The following GPR78 variants were observed in gnomAD, a reference collection of about 807,000 sequenced individuals.
GPR78 encodes the protein G protein-coupled receptor 78.
In GPR78, 29 loss-of-function variants were observed where a neutral mutation model predicts 17.9. That is an observed-to-expected ratio of 1.62 (90% CI 1.20 to 2.21). The LOEUF is 2.21. GPR78 is among the 30% of genes most tolerant of loss of function. GPR78 has a pLI of 0.00. For missense variants in GPR78, 649 were observed against 530.5 expected (o/e 1.22, Z -2.19); for synonymous variants, 349 against 256.9 (o/e 1.36, Z -3.43).
chr4:8,582,359 C>G (rs1159890343), intron 1 of GPR78, among the ~76,000 whole-genome samples, 172 bp from the exon 2 acceptor site: 9 of 152,146 alleles, frequency 5.9e-5, no homozygotes, highest in Non-Finnish European at 1.2e-4. Flanking sequence ...TACAAAAAAG[C>G]AAGCCTACCC....
chr4:8,581,723 C>T, intron 1 of GPR78, 73 bp downstream of exon 1: 1 of 1,166,632 alleles, frequency 8.6e-7, no homozygotes, highest in Non-Finnish European at 1.1e-6. Context: ...GCTTGAGGAG[C>T]CTGTGGGCAT....
At chr4:8,581,735 A>G (rs983405797) in intron 1 of GPR78, 85 bp downstream of exon 1, 7 of 1,001,274 alleles carry the variant, frequency 7.0e-6, no homozygotes, top group Non-Finnish European at 9.7e-6. Context: ...TGTGGGCATC[A>G]CCACCGTTAC....
rs34339112 is a variant in GPR78 at position 8,589,910 on chromosome 4, C to CTTTTTT, written c.*2562_*2567dup. Among the ~76,000 whole-genome samples, 1 of 130,856 alleles carries CTTTTTT rather than the reference C, an allele frequency of 7.6e-6. No individual in the cohort carries two copies. The allele number at this position is 130,856 out of a possible 152,430, so 85.8% of individuals were successfully genotyped here. On this transcript the variant is annotated 3_prime_UTR_variant, in exon 3 of 3. Transcript: ENST00000382487. ...CTATCCCTTGCCTTAGGCTTGTGGCCTTTTTTTTTTTTTTTTTTTTAATTT... is the reference window on the plus strand; with the variant it reads ...CTATCCCTTGCCTTAGGCTTGTGGCCTTTTTTTTTTTTTTTTTTTTTTTTTTAATTT...
At position 8,581,018 on chromosome 4, in the gene GPR78, G is replaced by C; in HGVS notation, c.36G>C (p.Leu12=). The C allele has an allele frequency of 6.3e-7, 1 of 1,594,874 alleles. No individual in the cohort carries two copies. Among genetic ancestry groups the C allele is most frequent in the East Asian group, 2.2e-5 (1 of 44,484 alleles). ...GCGAGGCGCTGCTGGCGGGTCTCCT[G>C]GTGATGGTACTGGCCGTGGCGCTGC... ...GPGEALLAGL[L]VMVLAVALLS... is the part of the protein sequence containing the mutation. Residue 12 remains leucine (L), a synonymous_variant, in exon 1 of 3, where the codon CTG becomes CTC. Coordinates refer to ENST00000382487, the MANE Select transcript of GPR78 (RefSeq NM_080819.5).
rs183511066 is a variant in GPR78 at position 8,583,522 on chromosome 4, G to T, written c.782+878G>T. Among the ~76,000 whole-genome samples, 1,194 of 152,288 alleles carry T rather than the reference G, an allele frequency of 7.8e-3. 5 individuals are homozygous for T. The highest frequency in any genetic ancestry group is 0.012 in the Non-Finnish European group (788 of 68,008). On this transcript the variant is annotated intron_variant, in intron 2 of 2. Coordinates refer to ENST00000382487, the MANE Select transcript of GPR78 (RefSeq NM_080819.5). ...GGTCCATGGCCCTCATCCTCAAGGG[G>T]CCCAGGTCCCCACCCCAGGGGAGGG...
In GPR78 at chr4:8,588,784, A is replaced by C. The variant is rs4696853; in HGVS notation, c.*1421A>C. ...TTCTTCAAAGACACACGCGGTCGTC[A>C]CTTGCTCTTGGCATTAACGGTGGAG... On this transcript the variant is annotated 3_prime_UTR_variant, in exon 3 of 3. Transcript: ENST00000382487. Among the ~76,000 whole-genome samples, 106,149 of 152,160 alleles carry C rather than the reference A, an allele frequency of 0.7. 37,787 individuals carry two copies. The highest frequency in any genetic ancestry group is 0.91 in the East Asian group (4,704 of 5,174).
At chr4:8,586,889 G>C (rs1245869153) in intron 2 of GPR78, among the ~76,000 whole-genome samples, 165 bp from the exon 3 acceptor site, 1 of 152,210 alleles carries the variant, frequency 6.6e-6, no homozygotes, top group East Asian at 1.9e-4. Flanking sequence ...TCCCATTTTA[G>C]GAAGAGGAGC....
intron 2 of GPR78, 61 bp downstream of exon 2, chr4:8,582,705 A>T: frequency 8.8e-7 from 1 of 1,130,280 alleles, no homozygotes; most frequent in Non-Finnish European, 1.4e-6. Context: ...GCCTCAGTTG[A>T]GTAGGCCTCT....
intron 2 of GPR78, among the ~76,000 whole-genome samples, chr4:8,585,783 G>T (rs558240448): frequency 6.6e-6 from 1 of 151,908 alleles, no homozygotes; most frequent in East Asian, 1.9e-4. Context: ...TTGCCTGCCT[G>T]CCTGCCTGCC....
rs1378479715 is a variant in GPR78 at position 8,580,851 on chromosome 4, C to A, written c.-132C>A. 2.2e-6 allele frequency: 2 copies of A among 895,982 alleles called. No homozygotes were observed. Among genetic ancestry groups the A allele is most frequent in the Non-Finnish European group, 3.3e-6 (2 of 609,092 alleles). The allele number at this position is 895,982 out of a possible 1,614,324, so 55.5% of individuals were successfully genotyped here. On this transcript the variant is annotated 5_prime_UTR_variant, in exon 1 of 3. Coordinates refer to ENST00000382487, the MANE Select transcript of GPR78 (RefSeq NM_080819.5). ...CCGCTTTCCTCGCGCTGCTCTGGAC[C>A]TTGCTAGCCGGCTCTGCACCTCCCA...
At position 8,589,044 on chromosome 4, in the gene GPR78, T is replaced by G. The variant is rs1713637901; in HGVS notation, c.*1681T>G. 6.6e-6 allele frequency among the ~76,000 whole-genome samples: 1 copy of G among 151,970 alleles called. No individual in the cohort carries two copies. Among genetic ancestry groups the G allele is most frequent in the African/African-American group, 2.4e-5 (1 of 41,376 alleles). On this transcript the variant is annotated 3_prime_UTR_variant, in exon 3 of 3. Transcript: ENST00000382487. ...ACCATGCCTGGCTAATTTTTGTATT[T>G]TTTTTTGTAGAGATGGCGGTCTCAC...
chr4:8,583,169 A>C, intron 2 of GPR78: 1 of 154,984 alleles, frequency 6.5e-6, no homozygotes, highest in Non-Finnish European at 1.4e-5. Flanking sequence ...GCCTGCTGGT[A>C]CCATCATCAC....
chr4:8,581,335 T>A lies in GPR78; in HGVS notation c.353T>A (p.Leu118Gln), dbSNP rs1309555696. ...VGFPLRYAGRLRPRYAGLLLG... is the reference protein window; with the variant it reads ...VGFPLRYAGRQRPRYAGLLLG... The stretch of plus-strand genomic sequence containing the variant: ...TTCCCACTGCGCTACGCCGGACGCC[T>A]GCGACCGCGCTATGCCGGCCTGCTG... Residue 118 changes from leucine to glutamine, a missense_variant, in exon 1 of 3, where the codon CTG (leucine) becomes CAG (glutamine). Leu to Gln is a moderately radical substitution (Grantham distance 113). Transcript: ENST00000382487. 1 of 1,576,304 alleles carries A rather than the reference T, an allele frequency of 6.3e-7. No homozygotes were observed. The highest frequency in any genetic ancestry group is 1.7e-5 in the Admixed American group (1 of 57,592).
Position 8,581,670 on chromosome 4 carries a change from C to T in GPR78, c.668+20C>T, listed in dbSNP as rs373873370. On this transcript the variant is annotated intron_variant, in intron 1 of 2. Coordinates refer to ENST00000382487, the MANE Select transcript of GPR78 (RefSeq NM_080819.5). ...CCCCAGGTATTGGCCCAGTGCATGC[C>T]GACAGGCCCAGGCCAGGGACTTGGG... The T allele has an allele frequency of 7.0e-5, 100 of 1,431,990 alleles. No homozygotes were observed. Among genetic ancestry groups the T allele is most frequent in the Middle Eastern group, 3.8e-4 (2 of 5,304 alleles). The allele number at this position is 1,431,990 out of a possible 1,614,324, so 88.7% of individuals were successfully genotyped here.
rs538684469 is a variant in GPR78, at chr4:8,584,497, A to G, written c.782+1853A>G. On this transcript the variant is annotated intron_variant, in intron 2 of 2. Transcript: ENST00000382487. ...TTCTTCATGCACTCACTAAGCATTT[A>G]ATGAGCACCTACTCTGAGCTGGCTT... Among the ~76,000 whole-genome samples the G allele has an allele frequency of 6.3e-5, 7 of 110,808 alleles. No homozygotes were observed. The South Asian group carries it at 2.6e-3, about 42-fold the overall frequency. 72.7% of individuals were successfully genotyped at this position (110,808 alleles called of 152,430 possible). A position where few individuals can be genotyped will look rare whatever the true frequency, so the allele number is the denominator to read the frequency against.
rs1444106741 is a variant in GPR78 at position 8,581,561 on chromosome 4, C to G, written c.579C>G (p.Leu193=). The change falls in exon 1 of 3, where the codon CTC becomes CTG. Residue 193 remains leucine (L), a synonymous_variant. Transcript: ENST00000382487. The part of the protein sequence containing the change: ...LPLAVLCLTS[L]QVHRVARRHC... ...TGGCGGTGCTCTGCCTCACCTCGCT[C>G]CAGGTGCACCGGGTGGCACGCAGAC... 2 of 1,581,938 alleles carry G rather than the reference C, an allele frequency of 1.3e-6. No homozygotes were observed. Among genetic ancestry groups the G allele is most frequent in the Non-Finnish European group, 1.7e-6 (2 of 1,172,002 alleles).
chr4:8,582,368 C>T (rs10000720), intron 1 of GPR78, among the ~76,000 whole-genome samples, 163 bp from the exon 2 acceptor site: 65,341 of 151,504 alleles, frequency 0.43, 14,586 homozygotes, highest in Admixed American at 0.53. Context: ...GCAAGCCTAC[C>T]CCTTGTTCTT....
At chr4:8,581,926 C>T (rs1243001098) in intron 1 of GPR78, among the ~76,000 whole-genome samples, 1 of 152,176 alleles carries the variant, frequency 6.6e-6, no homozygotes, top group African/African-American at 2.4e-5. Flanking sequence ...GCGGGCTCTG[C>T]TGTGGGCGGC....
rs1454537808 is a variant in GPR78 at position 8,581,324 on chromosome 4, C to T, written c.342C>T (p.Tyr114=). 3 of 1,577,524 alleles carry T rather than the reference C, an allele frequency of 1.9e-6. No individual in the cohort carries two copies. Among genetic ancestry groups the T allele is most frequent in the Non-Finnish European group, 2.6e-6 (3 of 1,167,966 alleles). The change falls in exon 1 of 3, where the codon TAC becomes TAT. Residue 114 remains tyrosine (Y), a synonymous_variant. Coordinates refer to ENST00000382487, the MANE Select transcript of GPR78 (RefSeq NM_080819.5). ...QWLAVGFPLR[Y]AGRLRPRYAG... is the part of the protein sequence containing the mutation. ...TGGCAGTGGGCTTCCCACTGCGCTA[C>T]GCCGGACGCCTGCGACCGCGCTATG...
Sources: gnomAD v4.1 joint callset for allele counts (sites outside exome capture counted in the v4.1 genomes callset) on GRCh38, gnomAD v4.1.1 for gene constraint, MANE v1.5 for transcripts, NCBI Gene and HGNC (gene_info 2026-07-23, HGNC 2026-07-21) for gene names.